The following STOML1 variants were observed in gnomAD, a reference collection of about 807,000 sequenced individuals.
STOML1 encodes stomatin like 1, also known as stomatin-like protein 1.
In STOML1, 27 loss-of-function variants were observed where a neutral mutation model predicts 35.7. The ratio of observed to expected loss-of-function variants is 0.76; its 90% CI spans 0.56 to 1.04. STOML1 has a LOEUF of 1.04. STOML1 is among the 50% of genes least tolerant of loss of function. STOML1 has a pLI of 0.00. For synonymous variants in STOML1, 219 were observed against 227.9 expected (o/e 0.96, Z 0.35); for missense variants, 451 against 527.1 (o/e 0.86, Z 1.41).
At chr15:73,985,647 A>C in intron 4 of STOML1, 134 bp from the exon 5 acceptor site, 2 of 1,070,256 alleles carry the variant, frequency 1.9e-6, no homozygotes, top group Non-Finnish European at 2.6e-6. Flanking sequence ...GCCTGGGAAC[A>C]CAGGCAGAGG....
In STOML1 at chr15:73,992,213, C is replaced by A. The variant is rs754598611; in HGVS notation, c.11G>T (p.Arg4Met). MLGRSGYRALPLGD... is the reference protein window; with the variant it reads MLGMSGYRALPLGD... The stretch of plus-strand genomic sequence containing the variant: ...CAGGGGCAGCGCCCGGTACCCAGAC[C>A]TGCCGAGCATGGCTTTTGACAGGAG... Residue 4 changes from arginine to methionine, a missense_variant, in exon 1 of 7, where the codon AGG (arginine) becomes ATG (methionine). Physicochemically the swap from Arg to Met is moderately conservative, Grantham distance 91 (BLOSUM62 -1). Coordinates refer to ENST00000541638, the MANE Select transcript of STOML1 (RefSeq NM_004809.5). The A allele has an allele frequency of 6.2e-7, 1 of 1,602,798 alleles. No homozygotes were observed. Among genetic ancestry groups the A allele is most frequent in the South Asian group, 1.1e-5 (1 of 90,604 alleles).
At chr15:73,986,718 G>A (rs1322107137) in intron 4 of STOML1, 1 of 153,070 alleles carries the variant, frequency 6.5e-6, no homozygotes, top group Non-Finnish European at 1.5e-5. Context: ...CTGGCATGTG[G>A]GAGGTCACTG....
chr15:73,988,479 C>A lies in STOML1; in HGVS notation c.594+120G>T. On this transcript the variant is annotated intron_variant, in intron 4 of 6. Transcript: ENST00000541638. This position sits in a 1 kb window ranked among gnomAD's most constrained non-coding sequence, Gnocchi z 4.8. ...CACTGGCTCTTCAAAGGTGGTTACA[C>A]TATTGGGACATATGGTAAACTGAGG... 2 of 1,222,940 alleles carry A rather than the reference C, an allele frequency of 1.6e-6. No homozygotes were observed. The highest frequency in any genetic ancestry group is 2.3e-6 in the Non-Finnish European group (2 of 879,968). 75.8% of individuals were successfully genotyped at this position (1,222,940 alleles called of 1,614,324 possible). A position where few individuals can be genotyped will look rare whatever the true frequency, so the allele number is the denominator to read the frequency against.
rs924441562 is a variant in STOML1, at chr15:73,984,003, C to T, written c.1131G>A (p.Arg377=). 1 of 1,614,054 alleles carries T rather than the reference C, an allele frequency of 6.2e-7. No individual in the cohort carries two copies. The highest frequency in any genetic ancestry group is 1.3e-5 in the African/African-American group (1 of 75,066). Residue 377 remains arginine, a synonymous_variant, in exon 7 of 7, where the codon CGG becomes CGA. Transcript: ENST00000541638. ...LRPLGAYMSG[R]LKVKGDLAMA... is the part of the protein sequence containing the mutation. Reference sequence around the variant, plus strand: ...TAGCCAGGTCGCCCTTCACCTTCAGCCGTCCACTCATGTAGGCCCCCAGGG... The same window carrying T: ...TAGCCAGGTCGCCCTTCACCTTCAGTCGTCCACTCATGTAGGCCCCCAGGG...
chr15:73,992,549 C>T (rs1403131439), upstream of STOML1, among the ~76,000 whole-genome samples: 1 of 152,200 alleles, frequency 6.6e-6, no homozygotes, highest in East Asian at 1.9e-4. Flanking sequence ...TGGCTCACTC[C>T]TATAATCCAT....
Position 73,988,703 on chromosome 15 carries a change from T to C in STOML1, c.490A>G (p.Thr164Ala). ...LSVMTVKDLN[T>A]ATRMTAQNAM... ...TTCTGGGCTGTCATGCGTGTGGCTG[T>C]GTTCAGGTCTTTCACAGTCATCACC... The change falls in exon 4 of 7, where the codon ACA (threonine) becomes GCA (alanine). Residue 164 changes from threonine (T) to alanine (A), a missense_variant. By Grantham distance (58) the Thr-to-Ala change is moderately conservative (BLOSUM62 0). Transcript: ENST00000541638. The surrounding 1 kb of genome is among the most constrained non-coding windows in gnomAD (Gnocchi z 4.8). 1.2e-6 allele frequency: 2 copies of C among 1,614,202 alleles called. No homozygotes were observed. Among genetic ancestry groups the C allele is most frequent in the Non-Finnish European group, 1.7e-6 (2 of 1,180,034 alleles).
chr15:73,984,611 A>G (rs778874276), intron 6 of STOML1, 48 bp downstream of exon 6: 1 of 1,603,000 alleles, frequency 6.2e-7, no homozygotes, highest in Non-Finnish European at 8.5e-7. Context: ...AGGTAACAAG[A>G]AACCTAGCAA....
chr15:73,991,490 G>C (rs912602195), intron 1 of STOML1: 2 of 431,094 alleles, frequency 4.6e-6, no homozygotes, highest in African/African-American at 4.1e-5. Context: ...TTCAGGACAG[G>C]AAGGCCAGGG....
Position 73,990,342 on chromosome 15 carries a change from C to T in STOML1, c.240+9G>A. The T allele has an allele frequency of 6.2e-7, 1 of 1,613,810 alleles. No individual in the cohort carries two copies. On this transcript the variant is annotated intron_variant, in intron 2 of 6. Coordinates refer to ENST00000541638, the MANE Select transcript of STOML1 (RefSeq NM_004809.5). ...CAACCACCCTGGGGGCTGACCCAGC[C>T]AGCCTTACCTTCAGGGCAAACCAGC...
chr15:73,988,750 C>T lies in STOML1; in HGVS notation c.443G>A (p.Arg148His), dbSNP rs2069172818. 6.8e-6 allele frequency: 11 copies of T among 1,614,174 alleles called. No individual in the cohort carries two copies. The highest frequency in any genetic ancestry group is 1.6e-4 in the Middle Eastern group (1 of 6,062). ...VLSVGADVQF[R>H]IWDPVLSVMT... ...CACCGACAGCACCGGGTCCCAGATG[C>T]GAAACTGGACATCGGCTCCCACGGA... The change falls in exon 4 of 7, where the codon CGC (arginine) becomes CAC (histidine). Residue 148 changes from arginine to histidine, a missense_variant. Coordinates refer to ENST00000541638, the MANE Select transcript of STOML1 (RefSeq NM_004809.5). The surrounding 1 kb of genome is among the most constrained non-coding windows in gnomAD (Gnocchi z 4.8).
chr15:73,984,051 G>T lies in STOML1; in HGVS notation c.1083C>A (p.Ala361=). 6.2e-7 allele frequency: 1 copy of T among 1,614,042 alleles called. No homozygotes were observed. Among genetic ancestry groups the T allele is most frequent in the Non-Finnish European group, 8.5e-7 (1 of 1,180,024 alleles). ...GGGGCCGCAGCTCTCTGCATAGCAG[G>T]GCCCGCAGGTCTGCCTCGGCCATCT... ...VVEMAEADLR[A]LLCRELRPLG... Residue 361 remains alanine (A), a synonymous_variant, in exon 7 of 7, where the codon GCC becomes GCA. Transcript: ENST00000541638.
Position 73,992,117 on chromosome 15 carries a change from T to A in STOML1, c.107A>T (p.Glu36Val). Residue 36 changes from glutamate to valine, a missense_variant, in exon 1 of 7, where the codon GAG (glutamate) becomes GTG (valine). By Grantham distance (121) the Glu-to-Val change is moderately radical. Coordinates refer to ENST00000541638, the MANE Select transcript of STOML1 (RefSeq NM_004809.5). ...LGSQKGCLSP[E>V]RGGVGTGADV... ...GGCCCCTGTCCCCACGCCGCCCCGCTCCGGGGACAAGCAGCCCTTCTGCGA... is the reference window on the plus strand; with the variant it reads ...GGCCCCTGTCCCCACGCCGCCCCGCACCGGGGACAAGCAGCCCTTCTGCGA... 6.2e-7 allele frequency: 1 copy of A among 1,602,570 alleles called. No individual in the cohort carries two copies. The highest frequency in any genetic ancestry group is 8.5e-7 in the Non-Finnish European group (1 of 1,175,800).
chr15:73,991,021 AC>A (rs2141680281), intron 1 of STOML1: 1 of 1,401,952 alleles, frequency 7.1e-7, no homozygotes, highest in East Asian at 2.6e-5. Context: ...TCTATTCCAC[AC>A]CCAACTTTAA....
At chr15:73,989,626 G>T (rs2069202729) in intron 2 of STOML1, among the ~76,000 whole-genome samples, 1 of 152,172 alleles carries the variant, frequency 6.6e-6, no homozygotes, top group Non-Finnish European at 1.5e-5. Context: ...AGGCTCGGCT[G>T]CCCTAACAGC....
In STOML1 at chr15:73,983,889, G is replaced by A; in HGVS notation, c.*48C>T. The A allele has an allele frequency of 1.3e-6, 2 of 1,568,470 alleles. No individual in the cohort carries two copies. Among genetic ancestry groups the A allele is most frequent in the Non-Finnish European group, 1.7e-6 (2 of 1,154,350 alleles). On this transcript the variant is annotated 3_prime_UTR_variant, in exon 7 of 7. Transcript: ENST00000541638. The stretch of plus-strand genomic sequence containing the variant: ...CCTCCTCCTCCAAGAGGCCCCTCAG[G>A]CTTGGTGCCAGGCTTGGGACTGGGC...
chr15:73,990,743 C>T (rs1457195418), intron 1 of STOML1: 11 of 1,429,772 alleles, frequency 7.7e-6, no homozygotes, highest in Admixed American at 4.0e-5. Flanking sequence ...ATCCAGTCCG[C>T]GTGATGATGC....
intron 1 of STOML1, among the ~76,000 whole-genome samples, chr15:73,991,245 T>C (rs1278172320): frequency 6.6e-6 from 1 of 152,264 alleles, no homozygotes; most frequent in Non-Finnish European, 1.5e-5. Flanking sequence ...CCAAATGTCC[T>C]GGCCCCTGGA....
In STOML1 at chr15:73,979,351, T is replaced by A. The variant is rs1483745611; in HGVS notation, c.*4586A>T. The stretch of plus-strand genomic sequence containing the variant: ...ACCTCAGATGACACTTTTTATTTTA[T>A]CTTTATTTATTTAATTTTGAGATGG... On this transcript the variant is annotated 3_prime_UTR_variant, in exon 7 of 7. Transcript: ENST00000541638. The A allele has an allele frequency of 6.6e-6, 1 of 152,186 alleles. No homozygotes were observed. The highest frequency in any genetic ancestry group is 6.5e-5 in the Admixed American group (1 of 15,270). The allele number at this position is 152,186 out of a possible 1,614,324, so 9.4% of individuals were successfully genotyped here. A position where few individuals can be genotyped will look rare whatever the true frequency, so the allele number is the denominator to read the frequency against.
intron 2 of STOML1, among the ~76,000 whole-genome samples, chr15:73,989,621 C>T (rs2415188): frequency 6.6e-6 from 1 of 151,904 alleles, no homozygotes; most frequent in Non-Finnish European, 1.5e-5. Flanking sequence ...AGAAAAGGCT[C>T]GGCTGCCCTA....
Sources: allele counts gnomAD v4.1 joint callset (sites outside exome capture counted in the v4.1 genomes callset), GRCh38; gene constraint gnomAD v4.1.1; non-coding constraint Gnocchi (gnomAD v3.1); transcripts MANE v1.5; gene names NCBI Gene and HGNC (gene_info 2026-07-23, HGNC 2026-07-21).